Variants in B3GALT1 observed in about 807,000 individuals in gnomAD.
The protein encoded by B3GALT1 is UDP-Gal:betaGlcNAc beta 1,3-galactosyltransferase, polypeptide 1.
A neutral mutation model predicts 23.2 loss-of-function variants in B3GALT1; 10 were observed. The observed-to-expected ratio is 0.43, with a 90% CI of 0.27 to 0.73. The LOEUF (loss-of-function observed/expected upper bound fraction) is 0.73. B3GALT1 is among the 30% of genes least tolerant of loss of function. The pLI is 0.21. For synonymous variants in B3GALT1, 156 were observed against 141.5 expected (o/e 1.10, Z -0.73); for missense variants, 299 against 405.4 (o/e 0.74, Z 2.25).
intron 4 of B3GALT1, among the ~76,000 whole-genome samples, chr2:167,826,906 T>A (rs1268103024): frequency 2.0e-5 from 3 of 152,210 alleles, no homozygotes; most frequent in Admixed American, 2.0e-4. Context: ...TCCTGCACCA[T>A]GTTATATAAG....
chr2:167,538,533 G>A (rs1683470348), intron 2 of B3GALT1, among the ~76,000 whole-genome samples: 1 of 152,112 alleles, frequency 6.6e-6, no homozygotes, highest in African/African-American at 2.4e-5. Context: ...TTTTGCTTCT[G>A]TATAATATAC....
chr2:167,612,176 A>G (rs962860833), intron 2 of B3GALT1, among the ~76,000 whole-genome samples: 3 of 151,940 alleles, frequency 2.0e-5, no homozygotes, highest in African/African-American at 4.8e-5. Flanking sequence ...GCAGTTAAGA[A>G]AATTACCAGT....
intron 3 of B3GALT1, among the ~76,000 whole-genome samples, chr2:167,651,888 C>A (rs1685876047): frequency 6.6e-6 from 1 of 152,142 alleles, no homozygotes; most frequent in African/African-American, 2.4e-5. Context: ...AAAGGGGAAT[C>A]TGTTTGCAAC....
intron 2 of B3GALT1, among the ~76,000 whole-genome samples, chr2:167,615,153 G>A (rs1685138409): frequency 6.6e-6 from 1 of 152,018 alleles, no homozygotes; most frequent in African/African-American, 2.4e-5. Context: ...GGTATGAATA[G>A]ATGAAGAAAT....
chr2:167,455,766 GC>G (rs1258001558), intron 1 of B3GALT1, among the ~76,000 whole-genome samples: 5 of 152,146 alleles, frequency 3.3e-5, no homozygotes, highest in African/African-American at 1.2e-4. Flanking sequence ...GCCTGCCTAA[GC>G]CTCCCATAGT....
intron 2 of B3GALT1, among the ~76,000 whole-genome samples, chr2:167,609,051 A>G (rs1347397774): frequency 2.0e-5 from 3 of 152,100 alleles, no homozygotes; most frequent in South Asian, 2.1e-4. Flanking sequence ...GCTCATTTCC[A>G]TTATAAATGT....
chr2:167,449,017 A>C (rs1290857729), intron 1 of B3GALT1, among the ~76,000 whole-genome samples: 4 of 152,046 alleles, frequency 2.6e-5, no homozygotes, highest in African/African-American at 9.7e-5. Context: ...GTATAGTTTA[A>C]AGTTGGGTAA....
intron 2 of B3GALT1, among the ~76,000 whole-genome samples, chr2:167,563,340 G>A (rs1684058356): frequency 1.4e-5 from 2 of 143,736 alleles, no homozygotes; most frequent in Admixed American, 6.7e-5. Context: ...GGAAGGGGCG[G>A]CTGGCCGGGC....
chr2:167,756,381 T>A (rs1687819234), intron 3 of B3GALT1, among the ~76,000 whole-genome samples: 1 of 152,228 alleles, frequency 6.6e-6, no homozygotes. Flanking sequence ...GAGCTTCACC[T>A]CTACTGAAAA....
chr2:167,726,188 C>T (rs925288891), intron 3 of B3GALT1, among the ~76,000 whole-genome samples: 1 of 152,188 alleles, frequency 6.6e-6, no homozygotes, highest in Non-Finnish European at 1.5e-5. Context: ...CTTAGGTCTG[C>T]CCTGCTTCCA....
At chr2:167,512,092 C>G (rs1317844716) in intron 2 of B3GALT1, among the ~76,000 whole-genome samples, 1 of 151,968 alleles carries the variant, frequency 6.6e-6, no homozygotes, top group African/African-American at 2.4e-5. Flanking sequence ...TGATAGAGGG[C>G]AAATTGTCAA....
At chr2:167,566,168 G>A (rs1036318952) in intron 2 of B3GALT1, among the ~76,000 whole-genome samples, 6 of 152,134 alleles carry the variant, frequency 3.9e-5, no homozygotes, top group African/African-American at 1.4e-4. Flanking sequence ...ATACTATGCA[G>A]CCATAAAAAA....
At chr2:167,379,546 T>C (rs73021704) in intron 1 of B3GALT1, among the ~76,000 whole-genome samples, 3,125 of 152,148 alleles carry the variant, frequency 0.021, 113 homozygotes, top group African/African-American at 0.072. Flanking sequence ...GTTTATTGGG[T>C]TGTGGAGTTC....
chr2:167,521,660 C>G (rs1700189980), intron 2 of B3GALT1, among the ~76,000 whole-genome samples: 2 of 151,888 alleles, frequency 1.3e-5, no homozygotes, highest in East Asian at 3.9e-4. Context: ...TTTCTTACAC[C>G]TTTCCTAAAT....
At chr2:167,508,923 A>G (rs1469570405) in intron 2 of B3GALT1, among the ~76,000 whole-genome samples, 2 of 152,202 alleles carry the variant, frequency 1.3e-5, no homozygotes, top group African/African-American at 4.8e-5. Context: ...TTTACATAGG[A>G]ATTTAATATG....
intron 2 of B3GALT1, among the ~76,000 whole-genome samples, chr2:167,581,557 C>T (rs1262503102): frequency 6.6e-6 from 1 of 152,208 alleles, no homozygotes; most frequent in Non-Finnish European, 1.5e-5. Flanking sequence ...ATCTGGACAT[C>T]ACCAGATCTC....
At chr2:167,454,196 A>AGTGTGTGT (rs35747652) in intron 1 of B3GALT1, among the ~76,000 whole-genome samples, 1,744 of 152,046 alleles carry the variant, frequency 0.011, 38 homozygotes, top group African/African-American at 0.04. Context: ...ATAACAGGAA[A>AGTGTGTGT]GTGTGTGTGT....
chr2:167,662,655 C>T (rs910422373), intron 3 of B3GALT1, among the ~76,000 whole-genome samples: 2 of 152,098 alleles, frequency 1.3e-5, no homozygotes, highest in African/African-American at 4.8e-5. Context: ...TTATGTAACT[C>T]CTCTGCTCAC....
intron 1 of B3GALT1, among the ~76,000 whole-genome samples, chr2:167,394,532 G>T (rs1044063533): frequency 2.0e-5 from 3 of 151,702 alleles, no homozygotes; most frequent in Admixed American, 6.6e-5. Context: ...CCTAATAAAG[G>T]GTTGTTTTTT....
Sources: allele counts gnomAD v4.1 joint callset (sites outside exome capture counted in the v4.1 genomes callset), GRCh38; gene constraint gnomAD v4.1.1; transcripts MANE v1.5; gene names NCBI Gene and HGNC (gene_info 2026-07-23, HGNC 2026-07-21).